PPP4R3B: variants seen among roughly 807,000 people sequenced by gnomAD.
The protein encoded by PPP4R3B is protein phosphatase 4 regulatory subunit 3B.
PPP4R3B carries 52 observed loss-of-function variants against 95.4 expected under a neutral mutation model. The observed-to-expected ratio is 0.54, with a 90% CI of 0.44 to 0.69. PPP4R3B has a LOEUF of 0.69. Among genes scored for constraint, PPP4R3B ranks in the 30% least tolerant of loss-of-function variants. The pLI, the probability that PPP4R3B is intolerant of heterozygous loss-of-function variation, is 0.00. For synonymous variants in PPP4R3B, 407 were observed against 343.9 expected (o/e 1.18, Z -2.03); for missense variants, 1,003 against 1,005.9 (o/e 1.00, Z 0.04).
intron 14 of PPP4R3B, 48 bp from the exon 15 acceptor site, chr2:55,564,545 A>T: frequency 6.7e-7 from 1 of 1,493,788 alleles, no homozygotes; most frequent in Non-Finnish European, 9.0e-7. Flanking sequence ...AAAGTTCATC[A>T]TCAGATTGAA....
intron 8 of PPP4R3B, among the ~76,000 whole-genome samples, chr2:55,581,135 C>G (rs1302425942): frequency 6.6e-6 from 1 of 152,070 alleles, no homozygotes; most frequent in Non-Finnish European, 1.5e-5. Flanking sequence ...CGTCTGTAGT[C>G]CCAGCTACTT....
Position 55,599,018 on chromosome 2 carries a change from C to T in PPP4R3B, c.319G>A (p.Val107Met). 1 of 1,613,228 alleles carries T rather than the reference C, an allele frequency of 6.2e-7. No homozygotes were observed. Among genetic ancestry groups the T allele is most frequent in the South Asian group, 1.1e-5 (1 of 90,990 alleles). The change falls in exon 4 of 17, where the codon GTG (valine) becomes ATG (methionine). Residue 107 changes from valine to methionine, a missense_variant. Val to Met is a conservative substitution (Grantham distance 21, BLOSUM62 1). Transcript: ENST00000616407. ...TCAATGAGGTCCTGTGTGACTTCCACTGATGGGTCTTTACCTTGAACCTAA... is the reference window on the plus strand; with the variant it reads ...TCAATGAGGTCCTGTGTGACTTCCATTGATGGGTCTTTACCTTGAACCTAA... ...ICQVQGKDPS[V>M]EVTQDLIDES... is the part of the protein sequence containing the mutation.
At chr2:55,581,456 CT>C in intron 8 of PPP4R3B, 110 bp downstream of exon 8, 1 of 1,179,246 alleles carries the variant, frequency 8.5e-7, no homozygotes, top group South Asian at 1.7e-5. Context: ...ACCACTGCTA[CT>C]TAAATACCAA....
At chr2:55,583,508 TTAACAGTTTAC>T (rs972642863) in intron 7 of PPP4R3B, among the ~76,000 whole-genome samples, 1 of 152,160 alleles carries the variant, frequency 6.6e-6, no homozygotes, top group African/African-American at 2.4e-5. Flanking sequence ...ATTCTGAAAG[TTAACAGTTTAC>T]TAAGATCATG....
At chr2:55,563,516 G>GT (rs1686888670) in intron 15 of PPP4R3B, among the ~76,000 whole-genome samples, 2 of 152,146 alleles carry the variant, frequency 1.3e-5, no homozygotes, top group Admixed American at 1.3e-4. Context: ...GGGACTCCAG[G>GT]TAAGTGCCAC....
chr2:55,566,624 C>A (rs1043567289), intron 13 of PPP4R3B, among the ~76,000 whole-genome samples: 6 of 152,174 alleles, frequency 3.9e-5, no homozygotes, highest in Admixed American at 2.0e-4. Flanking sequence ...GCCAAATAAT[C>A]TTCATATGAG....
rs1457002204 is a variant in PPP4R3B at position 55,579,843 on chromosome 2, T to G, written c.1366-62A>C. 59 of 1,017,238 alleles carry G rather than the reference T, an allele frequency of 5.8e-5. 1 individual carries two copies. The highest frequency in any genetic ancestry group is 1.5e-6 in the Non-Finnish European group (1 of 682,674). 63.0% of individuals were successfully genotyped at this position (1,017,238 alleles called of 1,614,324 possible). The stretch of plus-strand genomic sequence containing the variant: ...ATGTAAATAAAAACATCTTCAAGAT[T>G]AGCAGTACATACCTTTTCCAGAACC... On this transcript the variant is annotated intron_variant, in intron 8 of 16. Coordinates refer to ENST00000616407, the MANE Select transcript of PPP4R3B (RefSeq NM_001122964.3).
intron 15 of PPP4R3B, 43 bp from the exon 16 acceptor site, chr2:55,559,011 G>A (rs1268350812): frequency 1.4e-6 from 2 of 1,472,928 alleles, no homozygotes; most frequent in African/African-American, 1.4e-5. Context: ...AATAAATACT[G>A]CTAAGTCAAA....
chr2:55,561,329 G>C (rs1190419143), intron 15 of PPP4R3B, among the ~76,000 whole-genome samples: 1 of 152,226 alleles, frequency 6.6e-6, no homozygotes, highest in Non-Finnish European at 1.5e-5. Flanking sequence ...GAAATCTGCT[G>C]CAGGGGCAGA....
intron 2 of PPP4R3B, 42 bp downstream of exon 2, chr2:55,615,409 C>G: frequency 1.4e-6 from 2 of 1,388,290 alleles, no homozygotes; most frequent in East Asian, 2.3e-5. Context: ...CTTCCTTGAT[C>G]ACAGATGAAG....
At chr2:55,557,987 G>A (rs746145780) in intron 16 of PPP4R3B, among the ~76,000 whole-genome samples, 6 of 152,098 alleles carry the variant, frequency 3.9e-5, no homozygotes, top group Non-Finnish European at 7.4e-5. Flanking sequence ...GCAGAGAAGA[G>A]CAGATTCAAA....
At chr2:55,552,332 A>C (rs892572942) in intron 16 of PPP4R3B, among the ~76,000 whole-genome samples, 3 of 152,310 alleles carry the variant, frequency 2.0e-5, no homozygotes, top group Admixed American at 6.5e-5. Flanking sequence ...CATATAAAAA[A>C]AAGCTTTCGA....
rs537539892 is a variant in PPP4R3B at position 55,588,599 on chromosome 2, G to T, written c.999+280C>A. On this transcript the variant is annotated intron_variant, in intron 5 of 16. Coordinates refer to ENST00000616407, the MANE Select transcript of PPP4R3B (RefSeq NM_001122964.3). Reference sequence around the variant, plus strand: ...AAAAATGTATGAATTTTGTAGTTCTGTTCTAACATAAGGCACTTATCTGAT... The same window carrying T: ...AAAAATGTATGAATTTTGTAGTTCTTTTCTAACATAAGGCACTTATCTGAT... Among the ~76,000 whole-genome samples, 6 of 152,002 alleles carry T rather than the reference G, an allele frequency of 3.9e-5. No homozygotes were observed. In the South Asian group the frequency reaches 1.2e-3, roughly 31 times the overall value.
chr2:55,606,003 A>G (rs7592711), intron 2 of PPP4R3B, among the ~76,000 whole-genome samples: 38 of 152,120 alleles, frequency 2.5e-4, no homozygotes, highest in African/African-American at 8.4e-4. Flanking sequence ...TTCTACAAAC[A>G]AAAATTCAGT....
chr2:55,598,940 C>A lies in PPP4R3B; in HGVS notation c.397G>T (p.Asp133Tyr). Residue 133 changes from aspartate (D) to tyrosine (Y), a missense_variant, in exon 4 of 17, where the codon GAC (aspartate) becomes TAC (tyrosine). Physicochemically the swap from Asp to Tyr is radical, Grantham distance 160. Transcript: ENST00000616407. ...TTATTGAGTTCACATGTGGGCAGGT[C>A]AATCAGATGACTAGTTTCAGGCATT... ...EEMPETSHLI[D>Y]LPTCELNKLE... The A allele has an allele frequency of 6.2e-7, 1 of 1,614,166 alleles. No homozygotes were observed. The highest frequency in any genetic ancestry group is 1.1e-5 in the South Asian group (1 of 91,074).
At chr2:55,583,972 G>A (rs138095400) in intron 7 of PPP4R3B, among the ~76,000 whole-genome samples, 5,505 of 152,142 alleles carry the variant, frequency 0.036, 142 homozygotes, top group South Asian at 0.089. Flanking sequence ...TTAGGAGGCC[G>A]AGATGGGTGG....
intron 16 of PPP4R3B, among the ~76,000 whole-genome samples, chr2:55,551,821 GTAGT>G (rs141047572): frequency 0.031 from 4,679 of 152,272 alleles, 110 homozygotes; most frequent in Non-Finnish European, 0.045. Flanking sequence ...TGCTTCGTAT[GTAGT>G]TAGTGTTCAA....
At chr2:55,613,128 G>A (rs564067174) in intron 2 of PPP4R3B, among the ~76,000 whole-genome samples, 6 of 152,126 alleles carry the variant, frequency 3.9e-5, no homozygotes, top group Middle Eastern at 3.4e-3. Context: ...ATTTTCAAAA[G>A]TGCAAATTGA....
chr2:55,597,678 G>C (rs971648734), intron 4 of PPP4R3B, among the ~76,000 whole-genome samples: 1 of 152,000 alleles, frequency 6.6e-6, no homozygotes, highest in African/African-American at 2.4e-5. Context: ...GCACATGCCT[G>C]TAATCCCAGC....
Sources: allele counts gnomAD v4.1 joint callset (sites outside exome capture counted in the v4.1 genomes callset), GRCh38; gene constraint gnomAD v4.1.1; transcripts MANE v1.5; gene names NCBI Gene and HGNC (gene_info 2026-07-23, HGNC 2026-07-21).